OSBPL10: variants seen among roughly 807,000 people sequenced by gnomAD.
OSBPL10 encodes the protein oxysterol binding protein like 10.
In OSBPL10, 49 loss-of-function variants were observed where a neutral mutation model predicts 81.7. The ratio of observed to expected loss-of-function variants is 0.60; its 90% CI spans 0.48 to 0.76. The LOEUF is 0.76. OSBPL10 is among the 30% of genes least tolerant of loss of function. The pLI is 0.00. For synonymous variants in OSBPL10, 419 were observed against 383.6 expected (o/e 1.09, Z -1.08); for missense variants, 923 against 987.8 (o/e 0.93, Z 0.88).
rs1238532353 is a variant in OSBPL10 at position 31,670,828 on chromosome 3, T to C, written c.1882A>G (p.Thr628Ala). ...ACTTTCCCTCCATAGAAAGGCTTCGTGTGGAATATCACTGTCGCTGAGTAC... is the reference window on the plus strand; with the variant it reads ...ACTTTCCCTCCATAGAAAGGCTTCGCGTGGAATATCACTGTCGCTGAGTAC... Reference protein sequence around the residue: ...TGYSATVIFHTKPFYGGKVHR... With the variant: ...TGYSATVIFHAKPFYGGKVHR... The change falls in exon 9 of 12, where the codon ACG becomes GCG. Residue 628 changes from threonine (T) to alanine (A), a missense_variant. By Grantham distance (58) the Thr-to-Ala change is moderately conservative. Coordinates refer to ENST00000396556, the MANE Select transcript of OSBPL10 (RefSeq NM_017784.5). The C allele has an allele frequency of 1.9e-6, 3 of 1,614,094 alleles. No homozygotes were observed. Among genetic ancestry groups the C allele is most frequent in the Non-Finnish European group, 2.5e-6 (3 of 1,179,982 alleles).
intron 3 of OSBPL10, among the ~76,000 whole-genome samples, chr3:31,871,435 C>A (rs1350865347): frequency 3.3e-5 from 5 of 152,190 alleles, no homozygotes; most frequent in Non-Finnish European, 1.5e-5. Context: ...TCCAGACAGG[C>A]CACCTTAAAA....
intron 1 of OSBPL10, among the ~76,000 whole-genome samples, chr3:31,965,458 A>AG (rs1698305776): frequency 1.7e-5 from 1 of 60,186 alleles, no homozygotes; most frequent in African/African-American, 2.1e-4. Flanking sequence ...ATAATATATA[A>AG]TTTATATAAT....
chr3:31,667,073 G>A (rs540521300), intron 10 of OSBPL10, among the ~76,000 whole-genome samples: 2 of 152,330 alleles, frequency 1.3e-5, no homozygotes, highest in Admixed American at 1.3e-4. Flanking sequence ...TTAATAAGGA[G>A]TAGCTAAACT....
At chr3:31,863,814 G>C (rs1452295546) in intron 3 of OSBPL10, among the ~76,000 whole-genome samples, 1 of 152,038 alleles carries the variant, frequency 6.6e-6, no homozygotes, top group Non-Finnish European at 1.5e-5. Flanking sequence ...TGTTATACTT[G>C]ATCAAATACA....
chr3:31,884,478 A>G (rs1695678034), intron 1 of OSBPL10, among the ~76,000 whole-genome samples: 1 of 152,218 alleles, frequency 6.6e-6, no homozygotes, highest in South Asian at 2.1e-4. Flanking sequence ...GGCCTCTGAC[A>G]GTTAAGTCAG....
At chr3:32,005,203 T>C (rs901258035) in intron 2 of OSBPL10, among the ~76,000 whole-genome samples, 1 of 152,106 alleles carries the variant, frequency 6.6e-6, no homozygotes, top group Non-Finnish European at 1.5e-5. Context: ...CATTAGGTAT[T>C]TGTCCTAATG....
rs762735053 is a variant in OSBPL10 at position 31,670,942 on chromosome 3, T to C, written c.1768A>G (p.Thr590Ala). The change falls in exon 9 of 12, where the codon ACC becomes GCC. Residue 590 changes from threonine (T) to alanine (A), a missense_variant. Thr to Ala is a moderately conservative substitution (Grantham distance 58). Coordinates refer to ENST00000396556, the MANE Select transcript of OSBPL10 (RefSeq NM_017784.5). ...LLEHGEEYVF[T>A]LPSAYARSIL... The stretch of plus-strand genomic sequence containing the variant: ...GACCGGGCGTAGGCACTAGGCAGGG[T>C]GAATACGTACTCCTCCCCGTGTTCC... 3.7e-6 allele frequency: 6 copies of C among 1,613,838 alleles called. No homozygotes were observed. In the South Asian group the frequency reaches 6.6e-5, roughly 18 times the overall value.
intron 2 of OSBPL10, chr3:31,989,676 C>T: frequency 6.2e-7 from 1 of 1,614,030 alleles, no homozygotes; most frequent in Non-Finnish European, 8.5e-7. Context: ...CTTCTAGGCC[C>T]AAAATCCATA....
chr3:31,701,284 T>C (rs1053760485), intron 7 of OSBPL10, among the ~76,000 whole-genome samples: 3 of 152,182 alleles, frequency 2.0e-5, no homozygotes, highest in African/African-American at 7.2e-5. Context: ...CTTAGGGCTG[T>C]TCCCCAGGCT....
At chr3:32,050,531 T>A (rs1479819671) in intron 1 of OSBPL10, among the ~76,000 whole-genome samples, 1 of 152,204 alleles carries the variant, frequency 6.6e-6, no homozygotes, top group Non-Finnish European at 1.5e-5. Context: ...CCTCATACAC[T>A]CATGGTTAAG....
chr3:31,975,085 G>C (rs548069396), intron 1 of OSBPL10, among the ~76,000 whole-genome samples: 6 of 152,288 alleles, frequency 3.9e-5, no homozygotes, highest in African/African-American at 1.4e-4. Context: ...AAAGGAGGGG[G>C]AGGGCAGATT....
chr3:31,796,348 A>G (rs761149602), intron 4 of OSBPL10, among the ~76,000 whole-genome samples: 18 of 152,240 alleles, frequency 1.2e-4, no homozygotes, highest in East Asian at 5.8e-4. Flanking sequence ...TAGTGAAATA[A>G]ATTTTAGAAA....
intron 7 of OSBPL10, among the ~76,000 whole-genome samples, chr3:31,696,951 G>T (rs145468013): frequency 6.6e-6 from 1 of 152,130 alleles, no homozygotes; most frequent in African/African-American, 2.4e-5. Context: ...CATCTCCAAC[G>T]TGTTCTTCCC....
intron 2 of OSBPL10, among the ~76,000 whole-genome samples, chr3:32,040,487 C>A (rs4955128): frequency 1 from 152,185 of 152,208 alleles, 76,081 homozygotes; most frequent in Middle Eastern, 1. Flanking sequence ...GAGACAGGAG[C>A]ATGACTTGAA....
chr3:31,961,543 T>A (rs1698160305), intron 1 of OSBPL10, among the ~76,000 whole-genome samples: 1 of 152,178 alleles, frequency 6.6e-6, no homozygotes, highest in Admixed American at 6.5e-5. Flanking sequence ...ATGTTAATAA[T>A]GCTAATAATG....
intron 4 of OSBPL10, among the ~76,000 whole-genome samples, chr3:31,803,060 CAT>C (rs201125575): frequency 0.027 from 3,969 of 146,626 alleles, 69 homozygotes; most frequent in Middle Eastern, 0.04. Flanking sequence ...TAAAATCACA[CAT>C]GATTCAGTGA....
chr3:31,773,744 A>C (rs1245654032), intron 4 of OSBPL10, among the ~76,000 whole-genome samples: 3 of 152,242 alleles, frequency 2.0e-5, no homozygotes, highest in African/African-American at 7.2e-5. Context: ...TGCAGTAGGC[A>C]CATCAAGTTG....
intron 3 of OSBPL10, among the ~76,000 whole-genome samples, chr3:31,854,116 A>T (rs59710957): frequency 0.016 from 2,394 of 151,466 alleles, 53 homozygotes; most frequent in African/African-American, 0.055. Context: ...TTCTTTCATG[A>T]TATATACATT....
chr3:31,796,581 C>T (rs1413169886), intron 4 of OSBPL10, among the ~76,000 whole-genome samples: 2 of 152,188 alleles, frequency 1.3e-5, no homozygotes, highest in Non-Finnish European at 2.9e-5. Flanking sequence ...GGATTCTCAA[C>T]ATCAACTCTA....
Sources: gnomAD v4.1 joint callset for allele counts (sites outside exome capture counted in the v4.1 genomes callset) on GRCh38, gnomAD v4.1.1 for gene constraint, MANE v1.5 for transcripts, NCBI Gene and HGNC (gene_info 2026-07-23, HGNC 2026-07-21) for gene names.